CHIC2: variants seen among roughly 807,000 people sequenced by gnomAD.
CHIC2 encodes cysteine-rich hydrophobic domain-containing protein 2.
A neutral mutation model predicts 25.9 loss-of-function variants in CHIC2; 14 were observed. That is an observed-to-expected ratio of 0.54 (90% CI 0.36 to 0.85). The LOEUF is 0.85. CHIC2 is among the 40% of genes least tolerant of loss of function. The pLI, the probability that CHIC2 is intolerant of heterozygous loss-of-function variation, is 0.01. For synonymous variants in CHIC2, 70 were observed against 72.0 expected (o/e 0.97, Z 0.14); for missense variants, 146 against 202.0 (o/e 0.72, Z 1.68).
At chr4:54,044,657 G>T (rs1049507262) in intron 3 of CHIC2, among the ~76,000 whole-genome samples, 1 of 152,130 alleles carries the variant, frequency 6.6e-6, no homozygotes, top group East Asian at 1.9e-4. Flanking sequence ...AGTGTGTAGA[G>T]GGAAATTTAT....
chr4:54,053,164 C>G (rs556844569), intron 1 of CHIC2, among the ~76,000 whole-genome samples: 1 of 152,168 alleles, frequency 6.6e-6, no homozygotes, highest in South Asian at 2.1e-4. Context: ...GAAGAAAATT[C>G]AATATACCAT....
the CHIC2 span, among the ~76,000 whole-genome samples, chr4:54,082,695 T>A: frequency 6.6e-6 from 1 of 152,224 alleles, no homozygotes; most frequent in Admixed American, 6.5e-5. Flanking sequence ...TTAATTTGGT[T>A]TCCCAGGTGT....
chr4:54,047,610 G>A (rs1716872632), intron 3 of CHIC2, among the ~76,000 whole-genome samples: 1 of 146,648 alleles, frequency 6.8e-6, no homozygotes, highest in East Asian at 2.0e-4. Context: ...GAGAACACAT[G>A]GACACAGGAA....
chr4:54,076,547 C>T, the CHIC2 span: 1 of 152,088 alleles, frequency 6.6e-6, no homozygotes, highest in Non-Finnish European at 1.5e-5. Flanking sequence ...TTTTACAATC[C>T]CATGATGATA....
the CHIC2 span, among the ~76,000 whole-genome samples, chr4:54,090,268 C>A: frequency 6.6e-5 from 10 of 152,232 alleles, no homozygotes; most frequent in Non-Finnish European, 4.4e-5. Context: ...CTCACTGCAA[C>A]CTCCACCTCT....
At chr4:54,086,550 A>T in the CHIC2 span, among the ~76,000 whole-genome samples, 2 of 152,142 alleles carry the variant, frequency 1.3e-5, no homozygotes, top group African/African-American at 4.8e-5. Context: ...GACGATAAAC[A>T]TAAACAGAAG....
upstream of CHIC2, chr4:54,065,457 A>G (rs1435557678): frequency 1.5e-5 from 4 of 260,394 alleles, no homozygotes; most frequent in Non-Finnish European, 2.4e-5. Flanking sequence ...AGGGCAGAGG[A>G]GAGGAAGAAA....
At chr4:54,051,961 A>G (rs1717017707) in intron 1 of CHIC2, among the ~76,000 whole-genome samples, 1 of 152,196 alleles carries the variant, frequency 6.6e-6, no homozygotes, top group Non-Finnish European at 1.5e-5. Flanking sequence ...TTCTTTACTA[A>G]TAAGACTGTT....
intron 3 of CHIC2, among the ~76,000 whole-genome samples, chr4:54,042,415 T>G (rs1167433771): frequency 1.3e-5 from 2 of 152,182 alleles, no homozygotes; most frequent in African/African-American, 2.4e-5. Context: ...CAAGTTGATA[T>G]GAATGCAAAG....
At chr4:54,077,962 A>G in the CHIC2 span, among the ~76,000 whole-genome samples, 1 of 152,234 alleles carries the variant, frequency 6.6e-6, no homozygotes, top group Admixed American at 6.5e-5. Context: ...ATGTGGTTCT[A>G]TTCTGCCCTG....
At chr4:54,088,472 T>C in the CHIC2 span, among the ~76,000 whole-genome samples, 1 of 152,226 alleles carries the variant, frequency 6.6e-6, no homozygotes, top group Non-Finnish European at 1.5e-5. Flanking sequence ...AGTAAGAAAG[T>C]GTCTTTGGAG....
chr4:54,020,490 T>C (rs1715866699), intron 3 of CHIC2, among the ~76,000 whole-genome samples: 1 of 152,194 alleles, frequency 6.6e-6, no homozygotes, highest in African/African-American at 2.4e-5. Flanking sequence ...TGGTGGTCTC[T>C]TCACACTGAC....
upstream of CHIC2, among the ~76,000 whole-genome samples, chr4:54,066,500 A>G (rs575396613): frequency 1.3e-5 from 2 of 152,162 alleles, no homozygotes; most frequent in Admixed American, 6.5e-5. Context: ...CAGATATGCT[A>G]TGTTTCAGAG....
At chr4:54,071,244 G>T in the CHIC2 span, among the ~76,000 whole-genome samples, 1 of 152,178 alleles carries the variant, frequency 6.6e-6, no homozygotes, top group African/African-American at 2.4e-5. Flanking sequence ...ATGTTCCAAT[G>T]AGCTTTTCCT....
chr4:54,042,085 G>A (rs923038848), intron 3 of CHIC2, among the ~76,000 whole-genome samples: 4 of 151,700 alleles, frequency 2.6e-5, no homozygotes, highest in Non-Finnish European at 5.9e-5. Flanking sequence ...CTCCAGGGCC[G>A]GTAATATCCT....
In CHIC2 at chr4:54,010,063, T is replaced by C. The variant is rs779103624; in HGVS notation, c.*32A>G. On this transcript the variant is annotated 3_prime_UTR_variant, in exon 6 of 6. Coordinates refer to ENST00000263921, the MANE Select transcript of CHIC2 (RefSeq NM_012110.4). ...GCAAGGCACCATTGGAAAGACAACA[T>C]ACTTGGAAAGTCTCTATAAATAAAG... is the stretch of plus-strand genomic sequence containing the variant. 2.6e-6 allele frequency: 4 copies of C among 1,512,350 alleles called. No homozygotes were observed. In the African/African-American group the frequency reaches 5.5e-5, roughly 21 times the overall value. The allele number at this position is 1,512,350 out of a possible 1,614,324, so 93.7% of individuals were successfully genotyped here. A position where few individuals can be genotyped will look rare whatever the true frequency, so the allele number is the denominator to read the frequency against.
At chr4:54,027,988 C>T (rs1716113699) in intron 3 of CHIC2, among the ~76,000 whole-genome samples, 1 of 152,070 alleles carries the variant, frequency 6.6e-6, no homozygotes, top group African/African-American at 2.4e-5. Context: ...ATAAAATCTG[C>T]TTAAAATGTA....
chr4:54,043,902 G>A (rs1244424899), intron 3 of CHIC2, among the ~76,000 whole-genome samples: 2 of 152,118 alleles, frequency 1.3e-5, no homozygotes, highest in African/African-American at 4.8e-5. Flanking sequence ...CTGTATTCAG[G>A]AAACACATCT....
At chr4:54,068,682 G>A (rs961634617), upstream of CHIC2, among the ~76,000 whole-genome samples, 40 of 152,198 alleles carry the variant, frequency 2.6e-4, no homozygotes, top group Non-Finnish European at 1.3e-4. Context: ...GACCAGATGT[G>A]TTGGGGGGTT....
Sources: allele counts gnomAD v4.1 joint callset (sites outside exome capture counted in the v4.1 genomes callset), GRCh38; gene constraint gnomAD v4.1.1; transcripts MANE v1.5; gene names NCBI Gene and HGNC (gene_info 2026-07-23, HGNC 2026-07-21).